The following ZNF625 variants were observed in gnomAD, a reference collection of about 807,000 sequenced individuals.
The protein encoded by ZNF625 is zinc finger protein 625.
In ZNF625, 8 loss-of-function variants were observed where a neutral mutation model predicts 11.1. The observed-to-expected ratio is 0.72, with a 90% CI of 0.42 to 1.30. The LOEUF is 1.30. ZNF625 is among the 50% of genes most tolerant of loss of function. The pLI, the probability that ZNF625 is intolerant of heterozygous loss-of-function variation, is 0.01. For synonymous variants in ZNF625, 145 were observed against 153.4 expected (o/e 0.95, Z 0.41); for missense variants, 349 against 447.6 (o/e 0.78, Z 1.99).
At chr19:12,149,029 T>C (rs914140894) in intron 1 of ZNF625, among the ~76,000 whole-genome samples, 1 of 151,828 alleles carries the variant, frequency 6.6e-6, no homozygotes, top group Non-Finnish European at 1.5e-5. Flanking sequence ...CTGTTAACAA[T>C]AGCCAACTTT....
chr19:12,155,560 G>T (rs1451447378), intron 1 of ZNF625, among the ~76,000 whole-genome samples: 3 of 152,040 alleles, frequency 2.0e-5, no homozygotes, highest in Non-Finnish European at 2.9e-5. Flanking sequence ...TCTTTTCCCT[G>T]CAATTCCTGT....
chr19:12,147,267 C>T, intron 3 of ZNF625, 128 bp downstream of exon 3: 6 of 867,748 alleles, frequency 6.9e-6, no homozygotes, highest in Non-Finnish European at 1.0e-5. Context: ...ACAGCCGGCC[C>T]TAGAGAAAAT....
rs111553347 is a variant in ZNF625 at position 12,145,209 on chromosome 19, A to G, written c.*88T>C. The G allele has an allele frequency of 1.4e-6, 2 of 1,396,660 alleles. No individual in the cohort carries two copies. The highest frequency in any genetic ancestry group is 4.6e-5 in the East Asian group (2 of 43,502). 86.5% of individuals were successfully genotyped at this position (1,396,660 alleles called of 1,614,324 possible). On this transcript the variant is annotated 3_prime_UTR_variant, in exon 4 of 4. Coordinates refer to ENST00000439556, the MANE Select transcript of ZNF625 (RefSeq NM_145233.4). ...AAATGACAGTGACTGCAGAAGCTTC[A>G]GAATAATTTTGCGATGGTTCCCATG...
At chr19:12,153,120 G>A (rs759545817) in intron 1 of ZNF625, among the ~76,000 whole-genome samples, 6 of 151,982 alleles carry the variant, frequency 3.9e-5, no homozygotes, top group Non-Finnish European at 5.9e-5. Context: ...TTGGGAGGCC[G>A]AGGTGGGTGG....
chr19:12,149,098 A>T (rs1259452389), intron 1 of ZNF625, among the ~76,000 whole-genome samples: 1 of 151,636 alleles, frequency 6.6e-6, no homozygotes, highest in Non-Finnish European at 1.5e-5. Context: ...TGGCCAACAT[A>T]GTGAAACCCC....
chr19:12,145,364 C>T lies in ZNF625; in HGVS notation c.1052G>A (p.Arg351Lys), dbSNP rs759376857. The change falls in exon 4 of 4, where the codon AGG becomes AAG. Residue 351 changes from arginine (R) to lysine (K), a missense_variant. By Grantham distance (26) the Arg-to-Lys change is conservative. Transcript: ENST00000439556. ...ACAGGGTTTTTCTCCAGTGTGAGTC[C>T]TTTCATGGATTTTAACGCTCGAGGC... Reference protein sequence around the residue: ...GCASSVKIHERTHTGEKPCSS... With the variant: ...GCASSVKIHEKTHTGEKPCSS... 3.7e-6 allele frequency: 6 copies of T among 1,614,122 alleles called. No individual in the cohort carries two copies. The highest frequency in any genetic ancestry group is 4.2e-6 in the Non-Finnish European group (5 of 1,180,022).
chr19:12,148,965 T>C (rs993428568), intron 1 of ZNF625, among the ~76,000 whole-genome samples: 1 of 151,924 alleles, frequency 6.6e-6, no homozygotes, highest in African/African-American at 2.4e-5. Context: ...TGTCTACTTA[T>C]TTTCAATTAA....
In ZNF625 at chr19:12,145,289, T is replaced by C; in HGVS notation, c.*8A>G. Reference sequence around the variant, plus strand: ...TGGATTCGGTGGCTTCTAGGAATCTTATGTGAATTAAGCAATCTTCTCGCC... The same window carrying C: ...TGGATTCGGTGGCTTCTAGGAATCTCATGTGAATTAAGCAATCTTCTCGCC... On this transcript the variant is annotated 3_prime_UTR_variant, in exon 4 of 4. Transcript: ENST00000439556. The C allele has an allele frequency of 6.3e-7, 1 of 1,583,424 alleles. No homozygotes were observed. The highest frequency in any genetic ancestry group is 8.6e-7 in the Non-Finnish European group (1 of 1,164,530).
chr19:12,155,388 A>G (rs1188488336), intron 1 of ZNF625, among the ~76,000 whole-genome samples: 2 of 152,158 alleles, frequency 1.3e-5, no homozygotes, highest in Non-Finnish European at 2.9e-5. Context: ...GTGGCAGGTA[A>G]CAGACTCCCT....
chr19:12,145,736 G>A lies in ZNF625; in HGVS notation c.680C>T (p.Ala227Val). ...TCGAAGGCTACCAGAATGACTAAAG[G>A]CTTTACCACACTGTTTACATTCATA... is the stretch of plus-strand genomic sequence containing the variant. ...KPYECKQCGK[A>V]FSHSGSLRIH... Residue 227 changes from alanine to valine, a missense_variant, in exon 4 of 4, where the codon GCC (alanine) becomes GTC (valine). Coordinates refer to ENST00000439556, the MANE Select transcript of ZNF625 (RefSeq NM_145233.4). 1 of 1,614,116 alleles carries A rather than the reference G, an allele frequency of 6.2e-7. No homozygotes were observed. The highest frequency in any genetic ancestry group is 8.5e-7 in the Non-Finnish European group (1 of 1,180,026).
At chr19:12,149,570 G>A (rs1393478583) in intron 1 of ZNF625, among the ~76,000 whole-genome samples, 1 of 151,540 alleles carries the variant, frequency 6.6e-6, no homozygotes, top group Non-Finnish European at 1.5e-5. Flanking sequence ...TGCATAAGCT[G>A]GTAAAATTTA....
chr19:12,156,627 G>C lies in ZNF625; in HGVS notation c.-69C>G. ...CTAACAGTCCAGTCACAGTGCGGGC[G>C]ATGGAGCGACAGAAGCTATGGCGGA... is the stretch of plus-strand genomic sequence containing the variant. On this transcript the variant is annotated 5_prime_UTR_variant, in exon 1 of 4. It adds an upstream start codon to the 5' untranslated region. Transcript: ENST00000439556. 8.0e-7 allele frequency: 1 copy of C among 1,247,352 alleles called. No individual in the cohort carries two copies. The highest frequency in any genetic ancestry group is 1.0e-6 in the Non-Finnish European group (1 of 990,446). The allele number at this position is 1,247,352 out of a possible 1,614,324, so 77.3% of individuals were successfully genotyped here.
intron 1 of ZNF625, among the ~76,000 whole-genome samples, 177 bp from the exon 2 acceptor site, chr19:12,147,979 T>A (rs1391854099): frequency 6.6e-6 from 1 of 152,186 alleles, no homozygotes; most frequent in Non-Finnish European, 1.5e-5. Context: ...TTCTTTTTTT[T>A]TAATTATTAT....
Position 12,147,464 on chromosome 19 carries a change from C to G in ZNF625, c.131-9G>C. 6.5e-7 allele frequency: 1 copy of G among 1,528,710 alleles called. No homozygotes were observed. 94.7% of individuals were successfully genotyped at this position (1,528,710 alleles called of 1,614,324 possible). A position where few individuals can be genotyped will look rare whatever the true frequency, so the allele number is the denominator to read the frequency against. ...ATCTTTCCATTTTTTTCCTAAAATA[C>G]AGAACCAGAAAAATAGTCCTGAATT... is the stretch of plus-strand genomic sequence containing the variant. On this transcript the variant is annotated splice_polypyrimidine_tract_variant and intron_variant, in intron 2 of 3. Coordinates refer to ENST00000439556, the MANE Select transcript of ZNF625 (RefSeq NM_145233.4).
chr19:12,149,372 G>A (rs1599441730), intron 1 of ZNF625, among the ~76,000 whole-genome samples: 1 of 143,558 alleles, frequency 7.0e-6, no homozygotes, highest in African/African-American at 2.7e-5. Context: ...ACAAAAATGT[G>A]ATAGGTATAT....
chr19:12,147,890 C>G, intron 1 of ZNF625, 88 bp from the exon 2 acceptor site: 1 of 1,495,224 alleles, frequency 6.7e-7, no homozygotes, highest in Non-Finnish European at 9.0e-7. Context: ...TTCCATGGTG[C>G]TATGGACTCC....
chr19:12,147,891 T>G (rs1249477466), intron 1 of ZNF625, 89 bp from the exon 2 acceptor site: 1 of 1,482,308 alleles, frequency 6.7e-7, no homozygotes, highest in African/African-American at 1.4e-5. Flanking sequence ...TCCATGGTGC[T>G]ATGGACTCCA....
At chr19:12,155,803 C>A (rs1241431473) in intron 1 of ZNF625, among the ~76,000 whole-genome samples, 1 of 152,130 alleles carries the variant, frequency 6.6e-6, no homozygotes, top group Non-Finnish European at 1.5e-5. Flanking sequence ...TTCTGAGAAG[C>A]AAAACTCTTT....
chr19:12,148,770 G>A (rs1407237151), intron 1 of ZNF625, among the ~76,000 whole-genome samples: 2 of 151,480 alleles, frequency 1.3e-5, no homozygotes, highest in African/African-American at 4.8e-5. Context: ...ACAGGCGCCC[G>A]CCACCATGCC....
Sources: allele counts gnomAD v4.1 joint callset (sites outside exome capture counted in the v4.1 genomes callset), GRCh38; gene constraint gnomAD v4.1.1; transcripts MANE v1.5; gene names NCBI Gene and HGNC (gene_info 2026-07-23, HGNC 2026-07-21).